Variants in STRIP2 observed in about 807,000 individuals in gnomAD.
STRIP2 encodes striatin interacting protein 2, also known as striatin-interacting protein 2.
A neutral mutation model predicts 107.1 loss-of-function variants in STRIP2; 84 were observed. That is an observed-to-expected ratio of 0.78 (90% CI 0.66 to 0.94). The LOEUF is 0.94. STRIP2 is among the 40% of genes least tolerant of loss of function. The pLI is 0.00. For synonymous variants in STRIP2, 394 were observed against 400.4 expected, an observed-to-expected ratio of 0.98 and a Z score of 0.19; for missense variants, 888 against 1,034.2, an observed-to-expected ratio of 0.86 and a Z score of 1.94.
At position 129,464,040 on chromosome 7, in the gene STRIP2, T is replaced by G. The variant is rs962047183; in HGVS notation, c.1552-4T>G. On this transcript the variant is annotated splice_region_variant and splice_polypyrimidine_tract_variant and intron_variant, in intron 14 of 20. Transcript: ENST00000249344. The stretch of plus-strand genomic sequence containing the variant: ...GGTAAATTTCTTTATTTTCTACTTC[T>G]CAGATCGCTCTGCTTAAGATTCTGC... The G allele has an allele frequency of 1.2e-6, 2 of 1,612,600 alleles. No homozygotes were observed. Among genetic ancestry groups the G allele is most frequent in the Admixed American group, 1.7e-5 (1 of 59,998 alleles).
At chr7:129,472,217 G>A (rs961947119) in intron 18 of STRIP2, among the ~76,000 whole-genome samples, 33 of 152,000 alleles carry the variant, frequency 2.2e-4, no homozygotes, top group Admixed American at 1.1e-3. Context: ...CTATTAGTAG[G>A]GCATTTCAGA....
At chr7:129,456,058 C>A (rs1332780673) in intron 8 of STRIP2, among the ~76,000 whole-genome samples, 1 of 151,912 alleles carries the variant, frequency 6.6e-6, no homozygotes, top group Non-Finnish European at 1.5e-5. Flanking sequence ...ATAGGGGGAA[C>A]TGCCTCTTGA....
At chr7:129,476,076 G>A (rs1798920743) in intron 18 of STRIP2, among the ~76,000 whole-genome samples, 1 of 152,114 alleles carries the variant, frequency 6.6e-6, no homozygotes, top group Non-Finnish European at 1.5e-5. Context: ...TGAGCTGTTG[G>A]GTACACCTCC....
chr7:129,447,997 C>A (rs990021293), intron 3 of STRIP2, among the ~76,000 whole-genome samples: 2 of 152,202 alleles, frequency 1.3e-5, no homozygotes, highest in African/African-American at 4.8e-5. Context: ...TTTTGACTTA[C>A]TATTTTTCTA....
rs984813800 is a variant in STRIP2, at chr7:129,485,752, T to A, written c.2428T>A (p.Tyr810Asn). 3 of 1,614,094 alleles carry A rather than the reference T, an allele frequency of 1.9e-6. No homozygotes were observed. Among genetic ancestry groups the A allele is most frequent in the Non-Finnish European group, 2.5e-6 (3 of 1,180,052 alleles). The change falls in exon 21 of 21, where the codon TAT becomes AAT. Residue 810 changes from tyrosine (Y) to asparagine (N), a missense_variant. Transcript: ENST00000249344. Reference sequence around the variant, plus strand: ...GTTGGATCTGCCTGAAGATTTCCACTATTCATATGAGCTCTGGCTCGAGAG... The same window carrying A: ...GTTGGATCTGCCTGAAGATTTCCACAATTCATATGAGCTCTGGCTCGAGAG... ...QRLDLPEDFH[Y>N]SYELWLEREV...
intron 1 of STRIP2, among the ~76,000 whole-genome samples, chr7:129,435,173 T>A (rs1797701864): frequency 6.6e-6 from 1 of 152,044 alleles, no homozygotes; most frequent in Non-Finnish European, 1.5e-5. Context: ...CCCCTGCCTG[T>A]GAGGGCTGAG....
At chr7:129,476,230 G>T (rs1174443719) in intron 18 of STRIP2, among the ~76,000 whole-genome samples, 1 of 151,424 alleles carries the variant, frequency 6.6e-6, no homozygotes, top group African/African-American at 2.4e-5. Context: ...GGCTGGCCGG[G>T]CGGGGGCTGC....
chr7:129,450,955 G>T (rs1798171845), intron 3 of STRIP2, among the ~76,000 whole-genome samples: 3 of 57,684 alleles, frequency 5.2e-5, no homozygotes, highest in African/African-American at 2.7e-4. Flanking sequence ...TTTTTTTTTT[G>T]AGACGGAGTC....
At chr7:129,441,769 C>T (rs1244048853) in intron 2 of STRIP2, among the ~76,000 whole-genome samples, 2 of 151,730 alleles carry the variant, frequency 1.3e-5, no homozygotes, top group African/African-American at 4.8e-5. Flanking sequence ...TTTGTGCCAC[C>T]ATGTCCAGCT....
Position 129,458,327 on chromosome 7 carries a change from C to A in STRIP2, c.1151C>A (p.Thr384Asn), listed in dbSNP as rs1798424413. 8 of 1,614,080 alleles carry A rather than the reference C, an allele frequency of 5.0e-6. No individual in the cohort carries two copies. The highest frequency in any genetic ancestry group is 1.6e-4 in the Middle Eastern group (1 of 6,084). The change falls in exon 10 of 21, where the codon ACC becomes AAC. Residue 384 changes from threonine to asparagine, a missense_variant. Transcript: ENST00000249344. This position sits in a 1 kb window ranked among gnomAD's most constrained non-coding sequence, Gnocchi z 4.6. ...EEESAGDGER[T>N]LDGELDLLEQ... ...GAGTCTGCTGGTGATGGAGAACGAA[C>A]CTTGGATGGAGAGCTAGACCTGCTA... is the stretch of plus-strand genomic sequence containing the variant.
rs1798584107 is a variant in STRIP2 at position 129,463,060 on chromosome 7, A to G, written c.1551+20A>G. 6.3e-7 allele frequency: 1 copy of G among 1,597,078 alleles called. No individual in the cohort carries two copies. The highest frequency in any genetic ancestry group is 8.6e-7 in the Non-Finnish European group (1 of 1,167,448). The stretch of plus-strand genomic sequence containing the variant: ...TATATGGTAAGGAGATGGCTAGGCC[A>G]GAGCTGCCCTTCTCTGCTGCAAGGA... On this transcript the variant is annotated intron_variant, in intron 14 of 20. Transcript: ENST00000249344.
chr7:129,455,515 G>A (rs758133157), intron 8 of STRIP2, 144 bp downstream of exon 8: 187 of 973,990 alleles, frequency 1.9e-4, no homozygotes, highest in Non-Finnish European at 2.6e-4. Context: ...GGGGCAACAA[G>A]GCTGTCCTAG....
chr7:129,447,298 T>C (rs542529252), intron 3 of STRIP2, among the ~76,000 whole-genome samples: 1 of 152,324 alleles, frequency 6.6e-6, no homozygotes, highest in African/African-American at 2.4e-5. Flanking sequence ...CCACTAGGCA[T>C]TGTGCTTCTT....
intron 2 of STRIP2, among the ~76,000 whole-genome samples, chr7:129,441,074 G>A (rs1335175609): frequency 6.6e-6 from 1 of 151,902 alleles, no homozygotes; most frequent in African/African-American, 2.4e-5. Context: ...AATGGGCAAA[G>A]AATATAAATG....
chr7:129,482,424 C>G (rs1799149465), intron 19 of STRIP2, among the ~76,000 whole-genome samples: 2 of 129,932 alleles, frequency 1.5e-5, no homozygotes, highest in South Asian at 5.0e-4. Flanking sequence ...GTCACTCAGG[C>G]TGTAGTGCAG....
chr7:129,463,982 A>C, intron 14 of STRIP2, 62 bp from the exon 15 acceptor site: 1 of 1,353,928 alleles, frequency 7.4e-7, no homozygotes, highest in Non-Finnish European at 1.1e-6. Flanking sequence ...AGGGTGTGGA[A>C]GAATCACTTC....
rs758269680 is a variant in STRIP2, at chr7:129,456,405, C to T, written c.835-34C>T. On this transcript the variant is annotated intron_variant, in intron 8 of 20. Coordinates refer to ENST00000249344, the MANE Select transcript of STRIP2 (RefSeq NM_020704.3). ...GGCTCTCTCTTACTTCCCTTCCTTCCTCTCTCTCTGCCCCTTTCCTGTTTC... is the reference window on the plus strand; with the variant it reads ...GGCTCTCTCTTACTTCCCTTCCTTCTTCTCTCTCTGCCCCTTTCCTGTTTC... 3 of 1,591,994 alleles carry T rather than the reference C, an allele frequency of 1.9e-6. No individual in the cohort carries two copies. In the South Asian group the frequency reaches 3.3e-5, roughly 18 times the overall value.
At chr7:129,481,361 G>A (rs1274932048) in intron 19 of STRIP2, among the ~76,000 whole-genome samples, 2 of 151,978 alleles carry the variant, frequency 1.3e-5, no homozygotes, top group African/African-American at 4.8e-5. Context: ...GCTGGGAAAG[G>A]TGGCAGGCAC....
intron 18 of STRIP2, among the ~76,000 whole-genome samples, 166 bp downstream of exon 18, chr7:129,470,881 C>A (rs1278876170): frequency 1.3e-5 from 2 of 152,060 alleles, no homozygotes; most frequent in Non-Finnish European, 2.9e-5. Flanking sequence ...GAGTTGCTGA[C>A]CCAGTTGAGA....
Sources: gnomAD v4.1 joint callset for allele counts (sites outside exome capture counted in the v4.1 genomes callset) on GRCh38, gnomAD v4.1.1 for gene constraint, Gnocchi (gnomAD v3.1) non-coding constraint, MANE v1.5 for transcripts, NCBI Gene and HGNC (gene_info 2026-07-23, HGNC 2026-07-21) for gene names.